CAST: variants seen among roughly 807,000 people sequenced by gnomAD.
The protein encoded by CAST is calpastatin.
CAST carries 76 observed loss-of-function variants against 119.6 expected under a neutral mutation model. That is an observed-to-expected ratio of 0.64 (90% CI 0.53 to 0.77). CAST has a LOEUF of 0.77. CAST is among the 30% of genes least tolerant of loss of function. The pLI is 0.00. For missense variants in CAST, 953 were observed against 946.5 expected, an observed-to-expected ratio of 1.01 and a Z score of -0.09; for synonymous variants, 319 against 331.6, an observed-to-expected ratio of 0.96 and a Z score of 0.41.
chr5:96,178,369 A>G, the CAST span, among the ~76,000 whole-genome samples: 1 of 152,190 alleles, frequency 6.6e-6, no homozygotes, highest in East Asian at 1.9e-4. Context: ...CTTTAAAGAC[A>G]TATTTATTTT....
At chr5:96,730,666 A>G (rs528847858) in intron 8 of CAST, 114 bp from the exon 9 acceptor site, 1 of 751,268 alleles carries the variant, frequency 1.3e-6, no homozygotes, top group African/African-American at 1.7e-5. Context: ...ACATTCCCTT[A>G]TGGTGTCCGT....
rs371342558 is a variant in CAST, at chr5:96,601,516, A to C, written c.60+71636A>C. ...AATCCCTCTGGAGATTCAAGTTGAA[A>C]AGAGAAAAATGCAATAAATTATTTA... On this transcript the variant is annotated intron_variant, in intron 1 of 11. Transcript: ENST00000505143. Among the ~76,000 whole-genome samples the C allele has an allele frequency of 7.7e-4, 117 of 152,348 alleles. 1 individual carries two copies. The South Asian group carries it at 0.024, about 31-fold the overall frequency.
the CAST span, among the ~76,000 whole-genome samples, chr5:96,153,679 A>G: frequency 6.6e-6 from 1 of 152,216 alleles, no homozygotes; most frequent in Non-Finnish European, 1.5e-5. Flanking sequence ...CATACTGATT[A>G]TTGTACACAA....
chr5:96,564,508 A>C (rs1309043560), intron 1 of CAST, among the ~76,000 whole-genome samples: 2 of 152,254 alleles, frequency 1.3e-5, no homozygotes, highest in African/African-American at 4.8e-5. Flanking sequence ...TTCAAAGTGC[A>C]ATCAGACTTT....
intron 12 of CAST, among the ~76,000 whole-genome samples, chr5:96,740,445 C>T (rs1762436831): frequency 6.6e-6 from 1 of 152,126 alleles, no homozygotes; most frequent in South Asian, 2.1e-4. Flanking sequence ...GTCTTCTTCC[C>T]GTGTCTCTAC....
chr5:96,724,210 C>G (rs762750598), intron 4 of CAST, among the ~76,000 whole-genome samples: 10 of 151,522 alleles, frequency 6.6e-5, no homozygotes, highest in Non-Finnish European at 1.3e-4. Flanking sequence ...GAGGCAGGGT[C>G]TCGCTCTGTC....
the CAST span, among the ~76,000 whole-genome samples, chr5:96,409,954 A>G: frequency 6.6e-6 from 1 of 152,188 alleles, no homozygotes; most frequent in Non-Finnish European, 1.5e-5. Context: ...ACGCATTCCA[A>G]GGTCATTATT....
chr5:95,982,731 A>G, the CAST span, among the ~76,000 whole-genome samples: 2 of 152,222 alleles, frequency 1.3e-5, no homozygotes, highest in Admixed American at 1.3e-4. Flanking sequence ...CTATGATCCC[A>G]ACATATTTTA....
intron 1 of CAST, among the ~76,000 whole-genome samples, chr5:96,665,725 AACACACACACACACACATACACAC>A (rs1463144916): frequency 3.7e-4 from 56 of 150,754 alleles, no homozygotes; most frequent in African/African-American, 1.3e-3. Flanking sequence ...GCCAGTTTAT[AACACACACACACACACATACACAC>A]ACACACACAC....
chr5:96,095,321 C>T, the CAST span, among the ~76,000 whole-genome samples: 1 of 151,774 alleles, frequency 6.6e-6, no homozygotes, highest in Non-Finnish European at 1.5e-5. Context: ...TGTAGTGGCT[C>T]ACCTATAATC....
chr5:96,662,438 C>T lies in CAST; in HGVS notation c.16C>T (p.Gln6Ter). 6 of 1,444,062 alleles carry T rather than the reference C, an allele frequency of 4.2e-6. No individual in the cohort carries two copies. The highest frequency in any genetic ancestry group is 5.4e-6 in the Non-Finnish European group (6 of 1,103,704). 89.5% of individuals were successfully genotyped at this position (1,444,062 alleles called of 1,614,324 possible). ...CGGCCTCGCCATGTCCCAGCCCGGC[C>T]AGAAGCCCGCCGCCTCCCCGCGGCC... MSQPG[Q>*]KPAASPRPRR... is the part of the protein sequence containing the mutation. The change falls in exon 1 of 32, where the codon CAG becomes TAG. Residue 6 changes from glutamine (Q) to a stop codon, truncating the protein, a stop_gained. Coordinates refer to ENST00000675179, the MANE Select transcript of CAST (RefSeq NM_001750.7). LOFTEE classifies it high-confidence loss of function.
At position 96,739,750 on chromosome 5, in the gene CAST, T is replaced by G. The variant is rs186560365; in HGVS notation, c.799-288T>G. On this transcript the variant is annotated intron_variant, in intron 11 of 31. Coordinates refer to ENST00000675179, the MANE Select transcript of CAST (RefSeq NM_001750.7). Reference sequence around the variant, plus strand: ...CTTATTAACTGCTCTTTTGTATTGGTTAGAAACCTTAGATAATGAAAACAT... The same window carrying G: ...CTTATTAACTGCTCTTTTGTATTGGGTAGAAACCTTAGATAATGAAAACAT... Among the ~76,000 whole-genome samples, 62 of 152,322 alleles carry G rather than the reference T, an allele frequency of 4.1e-4. 1 individual carries two copies. Among genetic ancestry groups the G allele is most frequent in the African/African-American group, 1.5e-3 (61 of 41,578 alleles).
chr5:96,442,967 C>T, the CAST span, among the ~76,000 whole-genome samples: 4 of 151,632 alleles, frequency 2.6e-5, no homozygotes, highest in South Asian at 6.3e-4. Context: ...CTTTTTTCTC[C>T]TTCTTCTTTT....
the CAST span, chr5:96,400,067 A>G: frequency 6.2e-7 from 1 of 1,614,142 alleles, no homozygotes; most frequent in Non-Finnish European, 8.5e-7. Flanking sequence ...GCCAAATCCA[A>G]ATCGACTATT....
the CAST span, among the ~76,000 whole-genome samples, chr5:96,219,745 G>T: frequency 3.3e-5 from 5 of 151,334 alleles, no homozygotes; most frequent in East Asian, 9.7e-4. Flanking sequence ...GGGAAGGAAG[G>T]AAGGCAGGCA....
chr5:96,623,510 T>C (rs1232659382), intron 1 of CAST, among the ~76,000 whole-genome samples: 1 of 151,880 alleles, frequency 6.6e-6, no homozygotes, highest in African/African-American at 2.4e-5. Context: ...AAGGGGAGAG[T>C]GAAGATTATG....
chr5:95,968,964 T>C, the CAST span, among the ~76,000 whole-genome samples: 1 of 152,152 alleles, frequency 6.6e-6, no homozygotes, highest in Non-Finnish European at 1.5e-5. Flanking sequence ...TTATGGATTG[T>C]GAGAACATAT....
chr5:96,481,124 A>C, the CAST span, among the ~76,000 whole-genome samples: 1 of 149,784 alleles, frequency 6.7e-6, no homozygotes, highest in Non-Finnish European at 1.5e-5. Context: ...TTTTTTTTTT[A>C]AAGGAGCTCC....
the CAST span, among the ~76,000 whole-genome samples, chr5:96,072,288 A>T: frequency 4.0e-5 from 6 of 151,826 alleles, no homozygotes; most frequent in African/African-American, 1.5e-4. Flanking sequence ...AAGAACAGGT[A>T]GGACTTGAAA....
Sources: allele counts gnomAD v4.1 joint callset (sites outside exome capture counted in the v4.1 genomes callset), GRCh38; gene constraint gnomAD v4.1.1; transcripts MANE v1.5; gene names NCBI Gene and HGNC (gene_info 2026-07-23, HGNC 2026-07-21).